The following CYP4F12 variants were observed in gnomAD, a reference collection of about 807,000 sequenced individuals.
CYP4F12 encodes the protein cytochrome P450 family 4 subfamily F member 12.
A neutral mutation model predicts 56.5 loss-of-function variants in CYP4F12; 60 were observed. The ratio of observed to expected loss-of-function variants is 1.06; its 90% CI spans 0.86 to 1.32. The LOEUF is 1.32. CYP4F12 is among the 40% of genes most tolerant of loss of function. The pLI, the probability that CYP4F12 is intolerant of heterozygous loss-of-function variation, is 0.00. For missense variants in CYP4F12, 711 were observed against 683.5 expected, an observed-to-expected ratio of 1.04 and a Z score of -0.45; for synonymous variants, 263 against 264.9, an observed-to-expected ratio of 0.99 and a Z score of 0.07.
Position 15,695,960 on chromosome 19 carries a change from C to T in CYP4F12, c.1140C>T (p.Phe380=). 1.2e-6 allele frequency: 2 copies of T among 1,613,844 alleles called. No individual in the cohort carries two copies. Among genetic ancestry groups the T allele is most frequent in the Non-Finnish European group, 1.7e-6 (2 of 1,179,920 alleles). The change falls in exon 10 of 13, where the codon TTC becomes TTT. Residue 380 remains phenylalanine, a synonymous_variant. Transcript: ENST00000550308. The part of the protein sequence containing the change: ...IEWDDLAQLP[F]LTMCVKESLR... ...GGGACGACCTGGCCCAGCTGCCCTT[C>T]CTGACCATGTGCGTGAAGGAGAGCC...
Position 15,673,242 on chromosome 19 carries a change from TCC to T in CYP4F12, c.-2+108_-2+109del. 7 of 564,944 alleles carry T rather than the reference TCC, an allele frequency of 1.2e-5. No homozygotes were observed. The African/African-American group carries it at 1.3e-4, about 11-fold the overall frequency. The allele number at this position is 564,944 out of a possible 1,614,324, so 35.0% of individuals were successfully genotyped here. On this transcript the variant is annotated intron_variant, in intron 1 of 12. Coordinates refer to ENST00000550308, the MANE Select transcript of CYP4F12 (RefSeq NM_023944.4). Reference sequence around the variant, plus strand: ...ATGCTGGCATGGGAAACTGGGGGTTTCCTGGTAACTGGACTCCTAGCAAACTC... The same window carrying T: ...ATGCTGGCATGGGAAACTGGGGGTTTTGGTAACTGGACTCCTAGCAAACTC...
intron 9 of CYP4F12, among the ~76,000 whole-genome samples, chr19:15,692,736 G>C (rs533250074): frequency 6.6e-6 from 1 of 152,056 alleles, no homozygotes. Context: ...TTATTTTGAC[G>C]TAAGTCCCAG....
chr19:15,681,069 T>C (rs756418846), intron 5 of CYP4F12: 32 of 175,746 alleles, frequency 1.8e-4, no homozygotes, highest in Non-Finnish European at 3.0e-4. Flanking sequence ...GAAGGCACCC[T>C]GTTGTTCACA....
At chr19:15,687,137 C>T (rs1008846850) in intron 9 of CYP4F12, among the ~76,000 whole-genome samples, 2 of 152,038 alleles carry the variant, frequency 1.3e-5, no homozygotes, top group African/African-American at 4.8e-5. Flanking sequence ...ATTAGCCGGG[C>T]GTGATGGCAG....
Position 15,696,422 on chromosome 19 carries a change from AC to A in CYP4F12, c.1315-6del. 1 of 1,614,048 alleles carries A rather than the reference AC, an allele frequency of 6.2e-7. No homozygotes were observed. Among genetic ancestry groups the A allele is most frequent in the Non-Finnish European group, 8.5e-7 (1 of 1,179,998 alleles). On this transcript the variant is annotated splice_region_variant and splice_polypyrimidine_tract_variant and intron_variant, in intron 11 of 12. Transcript: ENST00000550308. ...CCCACTGGCAAACCTTCTTTGTCTC[AC>A]CTGCAGGTCTACGACCCCTTCCGCT...
Position 15,683,480 on chromosome 19 carries a change from C to T in CYP4F12, c.648-13C>T, listed in dbSNP as rs1313865170. ...GTTACATTGTTGCCTCCCTTTCTGC[C>T]CTTGCTCTGCAGGAGGCCCAGTGAA... On this transcript the variant is annotated splice_polypyrimidine_tract_variant and intron_variant, in intron 6 of 12. Coordinates refer to ENST00000550308, the MANE Select transcript of CYP4F12 (RefSeq NM_023944.4). 5 of 1,576,712 alleles carry T rather than the reference C, an allele frequency of 3.2e-6. No homozygotes were observed. Among genetic ancestry groups the T allele is most frequent in the Non-Finnish European group, 4.3e-6 (5 of 1,161,862 alleles).
chr19:15,679,805 G>T (rs581809), intron 3 of CYP4F12, among the ~76,000 whole-genome samples: 1 of 152,154 alleles, frequency 6.6e-6, no homozygotes, highest in Admixed American at 6.5e-5. Context: ...GGACATGTCT[G>T]GGACATTTAA....
chr19:15,682,114 G>A (rs11667849), intron 5 of CYP4F12: 60,382 of 312,266 alleles, frequency 0.19, 6,336 homozygotes, highest in Non-Finnish European at 0.22. Flanking sequence ...TGACAGGTGG[G>A]ACCTAGAGGA....
In CYP4F12 at chr19:15,680,410, G is replaced by A. The variant is rs772647986; in HGVS notation, c.416G>A (p.Ser139Asn). 3.1e-6 allele frequency: 5 copies of A among 1,613,834 alleles called. No individual in the cohort carries two copies. In the South Asian group the frequency reaches 4.4e-5, roughly 14 times the overall value. Residue 139 changes from serine to asparagine, a missense_variant, in exon 5 of 13, where the codon AGT (serine) becomes AAT (asparagine). By Grantham distance (46) the Ser-to-Asn change is conservative (BLOSUM62 1). Coordinates refer to ENST00000550308, the MANE Select transcript of CYP4F12 (RefSeq NM_023944.4). ...KPWLGEGILLSGGDKWSRHRR... is the reference protein window; with the variant it reads ...KPWLGEGILLNGGDKWSRHRR... ...CTACTAGGAGAAGGGATACTGCTGAGTGGCGGTGACAAGTGGAGCCGCCAC... is the reference window on the plus strand; with the variant it reads ...CTACTAGGAGAAGGGATACTGCTGAATGGCGGTGACAAGTGGAGCCGCCAC...
intron 9 of CYP4F12, among the ~76,000 whole-genome samples, chr19:15,686,355 GA>G (rs1270942893): frequency 6.6e-6 from 1 of 152,204 alleles, no homozygotes; most frequent in Non-Finnish European, 1.5e-5. Flanking sequence ...TAGGTGTTTG[GA>G]TGCAGTAGTG....
At position 15,673,509 on chromosome 19, in the gene CYP4F12, G is replaced by T. The variant is rs56124328; in HGVS notation, c.-1-20G>T. On this transcript the variant is annotated intron_variant, in intron 1 of 12. Coordinates refer to ENST00000550308, the MANE Select transcript of CYP4F12 (RefSeq NM_023944.4). ...TCCCTGGGCCTCAGGTCCTCACCCT[G>T]CATCCCCTCTGCCCTGCAGGATGTC... 1,496,750 of 1,605,538 alleles carry T rather than the reference G, an allele frequency of 0.93. 698,037 individuals are homozygous for T. Among genetic ancestry groups the T allele is most frequent in the East Asian group, 1 (44,837 of 44,844 alleles).
At chr19:15,673,273 A>T in intron 1 of CYP4F12, 138 bp downstream of exon 1, 1 of 605,312 alleles carries the variant, frequency 1.7e-6, no homozygotes, top group Non-Finnish European at 3.0e-6. Context: ...CAAACTCCCA[A>T]GGATTCAGGT....
chr19:15,684,915 C>T (rs761919282), intron 8 of CYP4F12, 33 bp downstream of exon 8: 23 of 1,579,328 alleles, frequency 1.5e-5, no homozygotes, highest in African/African-American at 1.3e-4. Context: ...ACAGTGGAGA[C>T]AGAGGTCCCT....
At chr19:15,688,414 G>A (rs1475226660) in intron 9 of CYP4F12, among the ~76,000 whole-genome samples, 5 of 151,532 alleles carry the variant, frequency 3.3e-5, no homozygotes, top group African/African-American at 1.2e-4. Context: ...GGAGGTTAAA[G>A]CTCTCTACAA....
chr19:15,676,531 G>A (rs1279140379), intron 2 of CYP4F12, among the ~76,000 whole-genome samples: 2 of 18,458 alleles, frequency 1.1e-4, no homozygotes, highest in African/African-American at 4.1e-4. Context: ...TCATTCCTCT[G>A]CCCACTCACT....
intron 12 of CYP4F12, 127 bp from the exon 13 acceptor site, chr19:15,696,781 G>A: frequency 6.1e-6 from 8 of 1,312,126 alleles, no homozygotes; most frequent in Non-Finnish European, 7.2e-6. Flanking sequence ...TCCCAGGCAC[G>A]CTTAGTCTTT....
chr19:15,682,115 A>G (rs1346916249), intron 5 of CYP4F12: 3 of 320,738 alleles, frequency 9.4e-6, no homozygotes, highest in Non-Finnish European at 1.8e-5. Flanking sequence ...GACAGGTGGG[A>G]CCTAGAGGAG....
At chr19:15,679,501 C>A (rs1386358067) in intron 3 of CYP4F12, among the ~76,000 whole-genome samples, 1 of 152,182 alleles carries the variant, frequency 6.6e-6, no homozygotes, top group Non-Finnish European at 1.5e-5. Context: ...CAATATTATA[C>A]CTGGTTATAT....
In CYP4F12 at chr19:15,696,433, T is replaced by C. The variant is rs773075246; in HGVS notation, c.1318T>C (p.Tyr440His). 6.2e-7 allele frequency: 1 copy of C among 1,614,164 alleles called. No homozygotes were observed. Among genetic ancestry groups the C allele is most frequent in the South Asian group, 1.1e-5 (1 of 91,082 alleles). Residue 440 changes from tyrosine (Y) to histidine (H), a missense_variant, in exon 12 of 13, where the codon TAC (tyrosine) becomes CAC (histidine). Physicochemically the swap from Tyr to His is moderately conservative, Grantham distance 83. Transcript: ENST00000550308. ...NPTVWPDPEVYDPFRFDPENS... is the reference protein window; with the variant it reads ...NPTVWPDPEVHDPFRFDPENS... Reference sequence around the variant, plus strand: ...ACCTTCTTTGTCTCACCTGCAGGTCTACGACCCCTTCCGCTTTGACCCAGA... The same window carrying C: ...ACCTTCTTTGTCTCACCTGCAGGTCCACGACCCCTTCCGCTTTGACCCAGA...
Sources: allele counts gnomAD v4.1 joint callset (sites outside exome capture counted in the v4.1 genomes callset), GRCh38; gene constraint gnomAD v4.1.1; transcripts MANE v1.5; gene names NCBI Gene and HGNC (gene_info 2026-07-23, HGNC 2026-07-21).